Variants in SEMA3E observed in about 807,000 individuals in gnomAD.
SEMA3E encodes the protein semaphorin 3E, also known as semaphorin-3E.
In SEMA3E, 49 loss-of-function variants were observed where a neutral mutation model predicts 93.6. The observed-to-expected ratio is 0.52, with a 90% CI of 0.42 to 0.66. The LOEUF is 0.66. Ranked by LOEUF, SEMA3E falls within the 30% of genes least tolerant of loss-of-function variation. The pLI, the probability that SEMA3E is intolerant of heterozygous loss-of-function variation, is 0.00. For missense variants in SEMA3E, 906 were observed against 964.8 expected, an observed-to-expected ratio of 0.94 and a Z score of 0.81; for synonymous variants, 363 against 330.7, an observed-to-expected ratio of 1.10 and a Z score of -1.06.
intron 4 of SEMA3E, among the ~76,000 whole-genome samples, chr7:83,434,915 G>GT (rs1220961254): frequency 4.0e-5 from 6 of 151,120 alleles, no homozygotes; most frequent in Non-Finnish European, 8.9e-5. Context: ...GGGTTTCACC[G>GT]TTTTAGCCGG....
At chr7:83,586,728 C>A (rs181548130) in intron 1 of SEMA3E, among the ~76,000 whole-genome samples, 3 of 151,934 alleles carry the variant, frequency 2.0e-5, no homozygotes, top group East Asian at 3.9e-4. Flanking sequence ...TAATAAAAAT[C>A]TGCAGGTTTT....
chr7:83,482,205 G>A (rs1169771021), intron 2 of SEMA3E, among the ~76,000 whole-genome samples: 1 of 152,080 alleles, frequency 6.6e-6, no homozygotes, highest in East Asian at 1.9e-4. Context: ...GAAGAAGGGA[G>A]ACAAAATTAA....
chr7:83,626,180 G>C (rs555346825), intron 1 of SEMA3E, among the ~76,000 whole-genome samples: 272 of 152,226 alleles, frequency 1.8e-3, no homozygotes, highest in African/African-American at 6.3e-3. Flanking sequence ...TTGTGTGTGT[G>C]TCTCTTCCAG....
chr7:83,566,645 C>A (rs950832820), intron 1 of SEMA3E, among the ~76,000 whole-genome samples: 4 of 152,156 alleles, frequency 2.6e-5, no homozygotes, highest in Non-Finnish European at 5.9e-5. Flanking sequence ...TTTGTCCCAA[C>A]ATACTTACGT....
intron 1 of SEMA3E, among the ~76,000 whole-genome samples, chr7:83,550,537 T>G (rs2115798809): frequency 6.6e-6 from 1 of 152,244 alleles, no homozygotes; most frequent in Non-Finnish European, 1.5e-5. Flanking sequence ...GTAAACAAAA[T>G]AATACATTCT....
At chr7:83,599,259 A>G (rs1352957969) in intron 1 of SEMA3E, among the ~76,000 whole-genome samples, 1 of 152,210 alleles carries the variant, frequency 6.6e-6, no homozygotes, top group Non-Finnish European at 1.5e-5. Context: ...AGGAAACATT[A>G]AGTTACACAG....
intron 1 of SEMA3E, among the ~76,000 whole-genome samples, chr7:83,574,891 C>A (rs1211846772): frequency 6.6e-6 from 1 of 152,124 alleles, no homozygotes; most frequent in African/African-American, 2.4e-5. Context: ...GCCTGTTCAA[C>A]CACAGAACCA....
intron 14 of SEMA3E, among the ~76,000 whole-genome samples, chr7:83,392,210 C>T (rs1301280027): frequency 6.6e-6 from 1 of 152,064 alleles, no homozygotes; most frequent in Non-Finnish European, 1.5e-5. Flanking sequence ...TAAATGAAGA[C>T]CAGCTGGTAG....
chr7:83,422,960 G>A (rs974231216), intron 4 of SEMA3E, among the ~76,000 whole-genome samples: 1 of 152,174 alleles, frequency 6.6e-6, no homozygotes, highest in African/African-American at 2.4e-5. Context: ...AGGTTTTCAT[G>A]ACTAGAAATC....
intron 1 of SEMA3E, among the ~76,000 whole-genome samples, chr7:83,591,748 A>C (rs986895929): frequency 6.6e-6 from 1 of 152,026 alleles, no homozygotes; most frequent in East Asian, 1.9e-4. Flanking sequence ...TTTGCATTTC[A>C]AGGGTTTTTG....
intron 2 of SEMA3E, 78 bp downstream of exon 2, chr7:83,490,036 T>TA (rs1275791162): frequency 4.9e-5 from 70 of 1,425,238 alleles, no homozygotes; most frequent in African/African-American, 8.5e-5. Flanking sequence ...TCAATACAAT[T>TA]AAAAAAAAGA....
intron 5 of SEMA3E, among the ~76,000 whole-genome samples, chr7:83,410,582 C>G (rs1327063129): frequency 6.6e-6 from 1 of 151,976 alleles, no homozygotes; most frequent in Non-Finnish European, 1.5e-5. Context: ...CTGTCTTTCC[C>G]AGAAATTTTA....
intron 4 of SEMA3E, among the ~76,000 whole-genome samples, chr7:83,437,323 GAT>G (rs1162439648): frequency 6.6e-6 from 1 of 151,948 alleles, no homozygotes; most frequent in African/African-American, 2.4e-5. Flanking sequence ...CTAAACTTAA[GAT>G]ATAGGACAAT....
chr7:83,447,528 A>G (rs1331886215), intron 4 of SEMA3E, among the ~76,000 whole-genome samples: 2 of 152,150 alleles, frequency 1.3e-5, no homozygotes, highest in African/African-American at 2.4e-5. Context: ...ACAGAGTGAG[A>G]CTCTGTCTCA....
chr7:83,506,908 G>A (rs1378459071), intron 1 of SEMA3E, among the ~76,000 whole-genome samples: 4 of 152,174 alleles, frequency 2.6e-5, no homozygotes, highest in Non-Finnish European at 4.4e-5. Context: ...AGTTCTAGAC[G>A]AGCAATTTAT....
At chr7:83,482,693 A>G (rs1438141218) in intron 2 of SEMA3E, among the ~76,000 whole-genome samples, 2 of 152,114 alleles carry the variant, frequency 1.3e-5, no homozygotes, top group Non-Finnish European at 2.9e-5. Context: ...AAAGATGAAC[A>G]TAACACAATG....
rs869260013 is a variant in SEMA3E, at chr7:83,366,322, CTT to C, written c.*1262_*1263del. The stretch of plus-strand genomic sequence containing the variant: ...AAATATTTAATAGAAGAAGGAAAGA[CTT>C]TGATAAATAAACATTCTTAAAAATA... On this transcript the variant is annotated 3_prime_UTR_variant, in exon 17 of 17. Transcript: ENST00000643230. 2.0e-5 allele frequency: 3 copies of C among 151,882 alleles called. No homozygotes were observed. The highest frequency in any genetic ancestry group is 2.9e-5 in the Non-Finnish European group (2 of 67,866). 9.4% of individuals were successfully genotyped at this position (151,882 alleles called of 1,614,324 possible).
At chr7:83,428,650 A>T (rs73172378) in intron 4 of SEMA3E, among the ~76,000 whole-genome samples, 1 of 152,164 alleles carries the variant, frequency 6.6e-6, no homozygotes, top group Non-Finnish European at 1.5e-5. Flanking sequence ...CCAAAGACTA[A>T]ATAAACAAGC....
intron 2 of SEMA3E, among the ~76,000 whole-genome samples, chr7:83,480,791 T>A (rs1387008665): frequency 6.6e-6 from 1 of 152,154 alleles, no homozygotes; most frequent in Non-Finnish European, 1.5e-5. Context: ...GAAATAAAAT[T>A]TAATTCTGCT....
Sources: gnomAD v4.1 joint callset for allele counts (sites outside exome capture counted in the v4.1 genomes callset) on GRCh38, gnomAD v4.1.1 for gene constraint, MANE v1.5 for transcripts, NCBI Gene and HGNC (gene_info 2026-07-23, HGNC 2026-07-21) for gene names.